The following MAPT variants were observed in gnomAD, a reference collection of about 807,000 sequenced individuals.
MAPT encodes the protein microtubule associated protein tau.
MAPT carries 34 observed loss-of-function variants against 67.9 expected under a neutral mutation model. That is an observed-to-expected ratio of 0.50 (90% confidence interval 0.38 to 0.67). The LOEUF is 0.67. Among genes scored for constraint, MAPT ranks in the 30% least tolerant of loss-of-function variants. The pLI is 0.00. For synonymous variants in MAPT, 456 were observed against 464.5 expected (o/e 0.98, Z 0.23); for missense variants, 881 against 1,115.2 (o/e 0.79, Z 2.99).
chr17:45,955,879 G>A (rs1425523961), intron 1 of MAPT, among the ~76,000 whole-genome samples: 1 of 152,158 alleles, frequency 6.6e-6, no homozygotes, highest in Admixed American at 6.5e-5. Context: ...GGGATTACAG[G>A]TACACTCCAC....
chr17:45,992,744 A>T (rs1260440320), intron 8 of MAPT, among the ~76,000 whole-genome samples: 1 of 151,734 alleles, frequency 6.6e-6, no homozygotes, highest in African/African-American at 2.4e-5. Flanking sequence ...CAAAATAATT[A>T]GCTGGGCGTG....
chr17:45,999,816 A>T, intron 9 of MAPT: 1 of 680,130 alleles, frequency 1.5e-6, no homozygotes, highest in Non-Finnish European at 2.5e-6. Flanking sequence ...GGCAGAGGAC[A>T]CAGTCACAGC....
chr17:45,924,834 G>T (rs922483306), intron 1 of MAPT, among the ~76,000 whole-genome samples: 15 of 152,192 alleles, frequency 9.9e-5, no homozygotes, highest in African/African-American at 3.6e-4. Context: ...AGGTAACATT[G>T]CTGCTGTGTC....
chr17:45,985,654 T>G, intron 5 of MAPT: 1 of 985,352 alleles, frequency 1.0e-6, no homozygotes, highest in South Asian at 4.7e-5. Flanking sequence ...CTGCTAACAT[T>G]TCCTGGAGGA....
At chr17:45,997,679 G>A (rs2074607610) in intron 9 of MAPT, among the ~76,000 whole-genome samples, 1 of 152,182 alleles carries the variant, frequency 6.6e-6, no homozygotes, top group Non-Finnish European at 1.5e-5. Flanking sequence ...AGAATCGCTT[G>A]AACCCAGGAG....
At position 45,913,112 on chromosome 17, in the gene MAPT, G is replaced by A. The variant is rs149660772; in HGVS notation, c.-18+18426G>A. On this transcript the variant is annotated intron_variant, in intron 1 of 12. Transcript: ENST00000262410. ...TCACGCTGCTGATAAAGACATACCC[G>A]AGACTGGGGAATTTACAAAAGAAAG... Among the ~76,000 whole-genome samples, 339 of 152,316 alleles carry A rather than the reference G, an allele frequency of 2.2e-3. 2 individuals carry two copies. Among genetic ancestry groups the A allele is most frequent in the Non-Finnish European group, 3.9e-3 (264 of 68,034 alleles).
chr17:45,986,997 GA>G, intron 5 of MAPT, 42 bp from the exon 6 acceptor site: 1 of 1,571,660 alleles, frequency 6.4e-7, no homozygotes, highest in Non-Finnish European at 8.7e-7. Flanking sequence ...TGTGAACAGT[GA>G]AAATGGAGTG....
chr17:45,999,628 A>G, intron 9 of MAPT: 2 of 1,611,406 alleles, frequency 1.2e-6, no homozygotes, highest in Non-Finnish European at 1.7e-6. Flanking sequence ...GCCTCTGCCC[A>G]TGAGGGGTGA....
At chr17:45,903,360 G>C (rs1451437202) in intron 1 of MAPT, among the ~76,000 whole-genome samples, 1 of 152,010 alleles carries the variant, frequency 6.6e-6, no homozygotes, top group African/African-American at 2.4e-5. Flanking sequence ...CCAAACTATT[G>C]TCTTGCCTCA....
At chr17:45,972,036 CT>C (rs1568257825) in intron 3 of MAPT, 91 bp downstream of exon 3, 4 of 923,432 alleles carry the variant, frequency 4.3e-6, no homozygotes, top group East Asian at 2.5e-5. Context: ...GCTGCTCCCC[CT>C]GGCTGAGAGA....
chr17:45,902,138 G>A (rs62056801), intron 1 of MAPT, among the ~76,000 whole-genome samples: 21,830 of 151,964 alleles, frequency 0.14, 2,140 homozygotes, highest in Middle Eastern at 0.22. Context: ...GCAATGGCGC[G>A]ATCTTGGCTC....
chr17:45,986,941 C>A, intron 5 of MAPT, 99 bp from the exon 6 acceptor site: 1 of 1,041,632 alleles, frequency 9.6e-7, no homozygotes, highest in Non-Finnish European at 1.5e-6. Flanking sequence ...ACTAAACAAA[C>A]ATGGACCTAT....
chr17:46,002,837 CA>C (rs1291359276), intron 9 of MAPT, among the ~76,000 whole-genome samples: 1 of 152,098 alleles, frequency 6.6e-6, no homozygotes, highest in African/African-American at 2.4e-5. Context: ...GGCTGGAGTG[CA>C]GTGGTGCGAT....
rs2073257801 is a variant in MAPT at position 45,983,824 on chromosome 17, CT to C, written c.1246del (p.Ser416LeufsTer64). The C allele has an allele frequency of 6.2e-7, 1 of 1,612,780 alleles. No homozygotes were observed. The highest frequency in any genetic ancestry group is 1.7e-5 in the Admixed American group (1 of 59,766). The part of the protein sequence containing the change: ...PGEGPEARGP[S>X]LGEDTKEADL... ...GAGAGGGGCCAGAGGCCCGGGGCCC[CT>C]CTTTGGGAGAGGACACAAAAGAGGC... On this transcript the variant is annotated frameshift_variant, in exon 5 of 13. Transcript: ENST00000262410. LOFTEE classifies it high-confidence loss of function.
At chr17:45,978,759 C>T (rs1025703661) in intron 4 of MAPT, 5 of 289,650 alleles carry the variant, frequency 1.7e-5, no homozygotes, top group African/African-American at 8.6e-5. Flanking sequence ...AATCCCAGCA[C>T]TATGGGAGAC....
At chr17:45,984,461 C>G (rs1191906167) in intron 5 of MAPT, among the ~76,000 whole-genome samples, 2 of 152,236 alleles carry the variant, frequency 1.3e-5, no homozygotes, top group African/African-American at 4.8e-5. Context: ...GTCCTGCATC[C>G]CACAACGCCT....
At chr17:45,902,740 T>G (rs538090833) in intron 1 of MAPT, among the ~76,000 whole-genome samples, 1 of 152,326 alleles carries the variant, frequency 6.6e-6, no homozygotes, top group Non-Finnish European at 1.5e-5. Context: ...CTTTGCTATA[T>G]TAACTCCCCT....
intron 1 of MAPT, among the ~76,000 whole-genome samples, chr17:45,952,906 A>C (rs2145146672): frequency 6.6e-6 from 1 of 152,200 alleles, no homozygotes; most frequent in Non-Finnish European, 1.5e-5. Flanking sequence ...AAGGGCAGTG[A>C]GGGGCAGCGG....
chr17:45,963,967 G>C (rs1034078772), intron 2 of MAPT, among the ~76,000 whole-genome samples: 4 of 152,178 alleles, frequency 2.6e-5, no homozygotes, highest in African/African-American at 4.8e-5. Context: ...TGGGCGTATT[G>C]GGGGAGCAGG....
Sources: allele counts gnomAD v4.1 joint callset (sites outside exome capture counted in the v4.1 genomes callset), GRCh38; gene constraint gnomAD v4.1.1; transcripts MANE v1.5; gene names NCBI Gene and HGNC (gene_info 2026-07-23, HGNC 2026-07-21).